Variants in GLI3 observed in about 807,000 individuals in gnomAD.
GLI3 encodes transcription activator GLI3.
Under a neutral mutation model 100.8 loss-of-function variants are expected in GLI3, and 20 were observed. The observed-to-expected ratio is 0.20, with a 90% CI of 0.14 to 0.29. The LOEUF (loss-of-function observed/expected upper bound fraction) is 0.29, where lower values mean the gene tolerates loss of function less well. GLI3 is among the 10% of genes least tolerant of loss of function. The pLI, the probability that GLI3 is intolerant of heterozygous loss-of-function variation, is 1.00. For missense variants in GLI3, 2,040 were observed against 2,128.5 expected (o/e 0.96, Z 0.82); for synonymous variants, 938 against 860.5 (o/e 1.09, Z -1.58).
chr7:42,193,178 A>G (rs1185573663), intron 2 of GLI3, among the ~76,000 whole-genome samples: 1 of 152,238 alleles, frequency 6.6e-6, no homozygotes, highest in African/African-American at 2.4e-5. Flanking sequence ...AGAGAGGCAC[A>G]ACTACTTGAG....
intron 1 of GLI3, among the ~76,000 whole-genome samples, chr7:42,259,141 C>T (rs796374935): frequency 5.3e-5 from 8 of 152,172 alleles, no homozygotes; most frequent in Admixed American, 1.3e-4. Flanking sequence ...AGCTAAGGAA[C>T]GGTTTCGTTG....
At chr7:42,072,198 C>T (rs560076383) in intron 4 of GLI3, among the ~76,000 whole-genome samples, 89 of 152,260 alleles carry the variant, frequency 5.8e-4, no homozygotes, top group African/African-American at 2.1e-3. Flanking sequence ...TTAATTATTG[C>T]AATGGATTAG....
At chr7:42,231,312 T>C (rs1278805636) in intron 1 of GLI3, among the ~76,000 whole-genome samples, 1 of 152,254 alleles carries the variant, frequency 6.6e-6, no homozygotes, top group African/African-American at 2.4e-5. Context: ...AAACTTTTGA[T>C]CCTTGATTCT....
chr7:42,263,737 C>G (rs980332119), intron 1 of GLI3, among the ~76,000 whole-genome samples: 1 of 152,070 alleles, frequency 6.6e-6, no homozygotes, highest in Non-Finnish European at 1.5e-5. Flanking sequence ...CGTGAGCCAC[C>G]GCACCCCACC....
intron 2 of GLI3, among the ~76,000 whole-genome samples, chr7:42,174,731 G>A (rs930851127): frequency 6.6e-6 from 1 of 152,114 alleles, no homozygotes; most frequent in African/African-American, 2.4e-5. Context: ...TTCATCAACC[G>A]CCCCCCAGGG....
chr7:42,068,686 TC>T (rs1300454621), intron 4 of GLI3, among the ~76,000 whole-genome samples: 2 of 152,050 alleles, frequency 1.3e-5, no homozygotes, highest in South Asian at 2.1e-4. Flanking sequence ...TGGCCTTTGT[TC>T]CCCCGAGGAA....
chr7:42,114,773 C>A (rs562932438), intron 3 of GLI3, among the ~76,000 whole-genome samples: 1 of 151,920 alleles, frequency 6.6e-6, no homozygotes, highest in Admixed American at 6.6e-5. Flanking sequence ...GTGATCTCGG[C>A]TCACTGCAAC....
rs1415654586 is a variant in GLI3, at chr7:42,224,098, G to A, written c.-42-803C>T. ...CACTGGCTTCATTCATGTGATAATC[G>A]CCCTAACTCATCATTCATCAATTTT... is the stretch of plus-strand genomic sequence containing the variant. On this transcript the variant is annotated intron_variant, in intron 1 of 14. Coordinates refer to ENST00000395925, the MANE Select transcript of GLI3 (RefSeq NM_000168.6). Among the ~76,000 whole-genome samples the A allele has an allele frequency of 2.6e-5, 4 of 152,126 alleles. No homozygotes were observed. In the East Asian group the frequency reaches 7.7e-4, roughly 29 times the overall value.
At chr7:42,126,500 A>G (rs1786135178) in intron 3 of GLI3, among the ~76,000 whole-genome samples, 1 of 152,230 alleles carries the variant, frequency 6.6e-6, no homozygotes, top group African/African-American at 2.4e-5. Context: ...CTGATCAGAG[A>G]ACAGTTTAGA....
At chr7:42,189,270 T>A (rs1787779908) in intron 2 of GLI3, among the ~76,000 whole-genome samples, 1 of 152,056 alleles carries the variant, frequency 6.6e-6, no homozygotes, top group Admixed American at 6.5e-5. Context: ...AAGAACAAAC[T>A]TAGAACAATC....
rs1468351493 is a variant in GLI3 at position 41,961,544 on chromosome 7, GA to G, written c.*2785del. Reference sequence around the variant, plus strand: ...GAGTTGGGAGGGGTTAACTTTTTCAGAAAAATAAAACAAAAATGGTTAGAAA... The same window carrying G: ...GAGTTGGGAGGGGTTAACTTTTTCAGAAAATAAAACAAAAATGGTTAGAAA... On this transcript the variant is annotated 3_prime_UTR_variant, in exon 15 of 15. Coordinates refer to ENST00000395925, the MANE Select transcript of GLI3 (RefSeq NM_000168.6). The G allele has an allele frequency of 6.6e-6, 1 of 152,462 alleles. No homozygotes were observed. The highest frequency in any genetic ancestry group is 1.5e-5 in the Non-Finnish European group (1 of 68,012). 9.4% of individuals were successfully genotyped at this position (152,462 alleles called of 1,614,324 possible).
intron 4 of GLI3, among the ~76,000 whole-genome samples, chr7:42,076,185 C>A (rs555511567): frequency 6.6e-6 from 1 of 152,156 alleles, no homozygotes; most frequent in Non-Finnish European, 1.5e-5. Flanking sequence ...CAAGAGATTT[C>A]CTTTTTCCTT....
intron 4 of GLI3, among the ~76,000 whole-genome samples, chr7:42,056,142 C>T (rs1784456097): frequency 6.6e-6 from 1 of 152,190 alleles, no homozygotes; most frequent in Non-Finnish European, 1.5e-5. Flanking sequence ...AAACTTCTTT[C>T]TTTTGTAAAT....
At chr7:42,206,858 C>A (rs1189293268) in intron 2 of GLI3, among the ~76,000 whole-genome samples, 1 of 152,098 alleles carries the variant, frequency 6.6e-6, no homozygotes, top group African/African-American at 2.4e-5. Context: ...AAACAATTAT[C>A]TACCCACAAA....
intron 4 of GLI3, among the ~76,000 whole-genome samples, chr7:42,072,886 C>T (rs1045389423): frequency 6.6e-6 from 1 of 152,160 alleles, no homozygotes; most frequent in South Asian, 2.1e-4. Flanking sequence ...TCTAGCTTAA[C>T]AAGTCTCTCA....
chr7:42,211,793 G>A (rs963856298), intron 2 of GLI3, among the ~76,000 whole-genome samples: 7 of 152,098 alleles, frequency 4.6e-5, no homozygotes, highest in Non-Finnish European at 1.0e-4. Context: ...ACCCACCCTT[G>A]ACCACAAACA....
intron 3 of GLI3, among the ~76,000 whole-genome samples, chr7:42,140,145 A>T (rs1336008244): frequency 1.3e-5 from 2 of 151,902 alleles, no homozygotes; most frequent in South Asian, 4.2e-4. Context: ...TTCAGATATC[A>T]CCTCCTCCGG....
chr7:41,966,892 T>C lies in GLI3; in HGVS notation c.2432-251A>G, dbSNP rs1787201198. ...TTACAAAAACAGGGGCGGCTGGAGATGGCCGCAGGCTGTAGTTTGCTGATG... is the reference window on the plus strand; with the variant it reads ...TTACAAAAACAGGGGCGGCTGGAGACGGCCGCAGGCTGTAGTTTGCTGATG... On this transcript the variant is annotated intron_variant, in intron 14 of 14. Coordinates refer to ENST00000395925, the MANE Select transcript of GLI3 (RefSeq NM_000168.6). This position sits in a 1 kb window ranked among gnomAD's most constrained non-coding sequence, Gnocchi z 5.8. Among the ~76,000 whole-genome samples, 1 of 152,068 alleles carries C rather than the reference T, an allele frequency of 6.6e-6. No individual in the cohort carries two copies. The highest frequency in any genetic ancestry group is 6.5e-5 in the Admixed American group (1 of 15,270).
chr7:42,011,940 C>A (rs1023224879), intron 10 of GLI3, among the ~76,000 whole-genome samples: 1 of 152,174 alleles, frequency 6.6e-6, no homozygotes, highest in Non-Finnish European at 1.5e-5. Flanking sequence ...TATTTTACTG[C>A]AACATGTTTA....
Sources: allele counts gnomAD v4.1 joint callset (sites outside exome capture counted in the v4.1 genomes callset), GRCh38; gene constraint gnomAD v4.1.1; non-coding constraint Gnocchi (gnomAD v3.1); transcripts MANE v1.5; gene names NCBI Gene and HGNC (gene_info 2026-07-23, HGNC 2026-07-21).